The following ADAMTS17 variants were observed in gnomAD, a reference collection of about 807,000 sequenced individuals.
ADAMTS17 encodes A disintegrin and metalloproteinase with thrombospondin motifs 17.
ADAMTS17 carries 113 observed loss-of-function variants against 141.5 expected under a neutral mutation model. That is an observed-to-expected ratio of 0.80 (90% CI 0.69 to 0.93). ADAMTS17 has a LOEUF of 0.93. Ranked by LOEUF, ADAMTS17 falls within the 40% of genes least tolerant of loss-of-function variation. ADAMTS17 has a pLI of 0.00. For synonymous variants in ADAMTS17, 768 were observed against 630.6 expected, an observed-to-expected ratio of 1.22 and a Z score of -3.27; for missense variants, 1,659 against 1,517.9, an observed-to-expected ratio of 1.09 and a Z score of -1.54.
chr15:100,199,571 T>C, intron 7 of ADAMTS17, 148 bp from the exon 8 acceptor site: 2 of 754,580 alleles, frequency 2.7e-6, no homozygotes, highest in South Asian at 2.8e-5. Flanking sequence ...TGGGAAGGGT[T>C]TGTGTATGAT....
intron 3 of ADAMTS17, among the ~76,000 whole-genome samples, chr15:100,306,855 G>A (rs73485919): frequency 0.019 from 2,885 of 152,252 alleles, 107 homozygotes; most frequent in African/African-American, 0.066. Context: ...TGGGCATCCT[G>A]CAAGAACACA....
intron 15 of ADAMTS17, among the ~76,000 whole-genome samples, chr15:100,059,123 C>G (rs1374110063): frequency 1.3e-5 from 2 of 152,222 alleles, no homozygotes; most frequent in African/African-American, 2.4e-5. Flanking sequence ...CCAACGAATT[C>G]TGAAGATGCT....
At chr15:100,175,164 T>G (rs1193360120) in intron 8 of ADAMTS17, among the ~76,000 whole-genome samples, 1 of 152,238 alleles carries the variant, frequency 6.6e-6, no homozygotes, top group Non-Finnish European at 1.5e-5. Context: ...GGTACTCAGC[T>G]GTTCCAGTTC....
intron 18 of ADAMTS17, among the ~76,000 whole-genome samples, chr15:100,037,139 T>G (rs2030802670): frequency 2.6e-5 from 4 of 152,214 alleles, no homozygotes; most frequent in Admixed American, 2.6e-4. Flanking sequence ...CAGATTTTTT[T>G]TAAAAAGCGG....
At chr15:100,163,815 C>A (rs1358631306) in intron 8 of ADAMTS17, among the ~76,000 whole-genome samples, 1 of 152,220 alleles carries the variant, frequency 6.6e-6, no homozygotes, top group African/African-American at 2.4e-5. Context: ...TTCACCCTTA[C>A]TTTAGACTCT....
chr15:100,237,157 G>A (rs537967946), intron 7 of ADAMTS17, among the ~76,000 whole-genome samples: 72 of 152,238 alleles, frequency 4.7e-4, no homozygotes, highest in African/African-American at 1.5e-3. Flanking sequence ...CTCCACCATC[G>A]TGTCACTATG....
chr15:100,153,847 C>T (rs1484166543), intron 9 of ADAMTS17, among the ~76,000 whole-genome samples: 3 of 152,154 alleles, frequency 2.0e-5, no homozygotes, highest in African/African-American at 7.2e-5. Flanking sequence ...GGCTCACACA[C>T]ACTACTTGTC....
chr15:100,336,560 G>A (rs1270068216), intron 2 of ADAMTS17, among the ~76,000 whole-genome samples: 2 of 152,102 alleles, frequency 1.3e-5, no homozygotes, highest in African/African-American at 2.4e-5. Context: ...ACACGATCAA[G>A]TCCTCAGCAA....
intron 7 of ADAMTS17, among the ~76,000 whole-genome samples, chr15:100,205,034 A>G (rs181796484): frequency 6.6e-6 from 1 of 152,188 alleles, no homozygotes; most frequent in African/African-American, 2.4e-5. Context: ...TGGGGTTCTC[A>G]GTTATGGGTC....
At chr15:100,084,305 G>A (rs371564898) in intron 15 of ADAMTS17, among the ~76,000 whole-genome samples, 5 of 152,192 alleles carry the variant, frequency 3.3e-5, no homozygotes, top group African/African-American at 7.2e-5. Flanking sequence ...TGGGGTGTCC[G>A]CCATTGCCGA....
At chr15:100,228,769 G>A (rs1394216008) in intron 7 of ADAMTS17, among the ~76,000 whole-genome samples, 2 of 152,216 alleles carry the variant, frequency 1.3e-5, no homozygotes, top group Non-Finnish European at 2.9e-5. Flanking sequence ...GCAAGGGCAG[G>A]TGACTTGTCT....
chr15:100,135,484 C>A (rs1033593913), intron 10 of ADAMTS17, among the ~76,000 whole-genome samples: 1 of 151,974 alleles, frequency 6.6e-6, no homozygotes, highest in Admixed American at 6.6e-5. Flanking sequence ...GGGGTTTCAG[C>A]GTGTTAGCCA....
chr15:100,147,677 G>A (rs1324808864), intron 10 of ADAMTS17, among the ~76,000 whole-genome samples: 1 of 152,158 alleles, frequency 6.6e-6, no homozygotes, highest in Non-Finnish European at 1.5e-5. Flanking sequence ...TCATGATGAG[G>A]CGTATGACTG....
chr15:100,153,046 G>A (rs1362787677), intron 9 of ADAMTS17, among the ~76,000 whole-genome samples: 1 of 80,686 alleles, frequency 1.2e-5, no homozygotes, highest in Non-Finnish European at 3.0e-5. Flanking sequence ...CTTTTACTGG[G>A]GAGTCTGAAA....
At chr15:100,280,028 A>T (rs1264866209) in intron 4 of ADAMTS17, among the ~76,000 whole-genome samples, 1 of 151,710 alleles carries the variant, frequency 6.6e-6, no homozygotes, top group Admixed American at 6.6e-5. Context: ...CTGTCTTTGG[A>T]CAGCTTCTCT....
chr15:100,006,680 T>C (rs989339597), intron 18 of ADAMTS17, among the ~76,000 whole-genome samples: 2 of 152,192 alleles, frequency 1.3e-5, no homozygotes, highest in Non-Finnish European at 2.9e-5. Flanking sequence ...CTCCTCAGAA[T>C]GGGCGCAAAA....
At chr15:100,195,539 T>C (rs901461789) in intron 8 of ADAMTS17, among the ~76,000 whole-genome samples, 7 of 150,522 alleles carry the variant, frequency 4.7e-5, no homozygotes, top group Admixed American at 2.0e-4. Flanking sequence ...CATTTTCACA[T>C]TTTCACCGGC....
Position 100,322,516 on chromosome 15 carries a change from T to C in ADAMTS17, c.616+8373A>G, listed in dbSNP as rs141658781. 8.5e-5 allele frequency among the ~76,000 whole-genome samples: 13 copies of C among 152,314 alleles called. No homozygotes were observed. In the East Asian group the frequency reaches 2.5e-3, roughly 29 times the overall value. On this transcript the variant is annotated intron_variant, in intron 3 of 21. Transcript: ENST00000268070. ...CAGAATCTCCACGTTACATTTACAA[T>C]ATCCAGAACACAATCCAAAATTACT...
At chr15:100,326,826 C>T (rs1277155955) in intron 3 of ADAMTS17, among the ~76,000 whole-genome samples, 2 of 152,218 alleles carry the variant, frequency 1.3e-5, no homozygotes, top group Admixed American at 6.5e-5. Context: ...TTGACCTCAT[C>T]CTAGCTGCCT....
Sources: allele counts gnomAD v4.1 joint callset (sites outside exome capture counted in the v4.1 genomes callset), GRCh38; gene constraint gnomAD v4.1.1; transcripts MANE v1.5; gene names NCBI Gene and HGNC (gene_info 2026-07-23, HGNC 2026-07-21).